DZIP1: variants seen among roughly 807,000 people sequenced by gnomAD.
DZIP1 encodes the protein DAZ interacting zinc finger protein 1.
Under a neutral mutation model 107.6 loss-of-function variants are expected in DZIP1, and 97 were observed. The observed-to-expected ratio is 0.90, with a 90% CI of 0.77 to 1.07. DZIP1 has a LOEUF of 1.07. Among genes scored for constraint, DZIP1 ranks in the 50% least tolerant of loss-of-function variants. DZIP1 has a pLI of 0.00. For synonymous variants in DZIP1, 390 were observed against 386.4 expected (o/e 1.01, Z -0.11); for missense variants, 1,035 against 1,063.6 (o/e 0.97, Z 0.37).
intron 10 of DZIP1, among the ~76,000 whole-genome samples, chr13:95,618,930 C>T (rs1184344832): frequency 1.3e-5 from 2 of 152,182 alleles, no homozygotes; most frequent in Admixed American, 6.5e-5. Context: ...AGATGTTTTG[C>T]ACTAGTGTAA....
chr13:95,606,602 T>G (rs970803230), intron 13 of DZIP1, among the ~76,000 whole-genome samples: 4 of 152,268 alleles, frequency 2.6e-5, no homozygotes, highest in African/African-American at 9.6e-5. Context: ...AATAACATTC[T>G]GTGTTATAAA....
At chr13:95,589,117 T>G (rs2044241674) in intron 19 of DZIP1, 37 bp downstream of exon 19, 5 of 1,556,512 alleles carry the variant, frequency 3.2e-6, no homozygotes, top group South Asian at 1.2e-5. Context: ...GTGAAAATAA[T>G]TTTTTAAATG....
chr13:95,607,767 C>A (rs190780346), intron 13 of DZIP1, among the ~76,000 whole-genome samples: 2 of 152,210 alleles, frequency 1.3e-5, no homozygotes, highest in East Asian at 3.9e-4. Context: ...AAATTGATCA[C>A]AATTTGGTCT....
At position 95,631,882 on chromosome 13, in the gene DZIP1, T is replaced by C. The variant is rs545041762; in HGVS notation, c.685+1352A>G. 7.9e-5 allele frequency among the ~76,000 whole-genome samples: 12 copies of C among 152,316 alleles called. No homozygotes were observed. In the South Asian group the frequency reaches 2.5e-3, roughly 32 times the overall value. ...GGAATCAGACTTTTGTCCCCATCTGTCTACTGAAGCTGCTGTGCCAAGGTC... is the reference window on the plus strand; with the variant it reads ...GGAATCAGACTTTTGTCCCCATCTGCCTACTGAAGCTGCTGTGCCAAGGTC... On this transcript the variant is annotated intron_variant, in intron 6 of 22. Coordinates refer to ENST00000376829, the MANE Select transcript of DZIP1 (RefSeq NM_198968.4).
At chr13:95,617,132 G>A (rs1875198073) in intron 10 of DZIP1, among the ~76,000 whole-genome samples, 1 of 151,996 alleles carries the variant, frequency 6.6e-6, no homozygotes, top group Non-Finnish European at 1.5e-5. Context: ...AACCCAGGAA[G>A]CGGAGGTTGC....
chr13:95,587,598 T>C lies in DZIP1; in HGVS notation c.2159A>G (p.Asp720Gly). 1 of 1,614,082 alleles carries C rather than the reference T, an allele frequency of 6.2e-7. No individual in the cohort carries two copies. Among genetic ancestry groups the C allele is most frequent in the Non-Finnish European group, 8.5e-7 (1 of 1,180,008 alleles). ...TTCGCTTCCCTCGGTCCCGTCCGCG[T>C]CACTTTTCACTGTGTTCTTCCCGAA... ...GSFGKNTVKS[D>G]ADGTEGSEIE... Residue 720 changes from aspartate (D) to glycine (G), a missense_variant, in exon 20 of 23, where the codon GAC (aspartate) becomes GGC (glycine). By Grantham distance (94) the Asp-to-Gly change is moderately conservative. Coordinates refer to ENST00000376829, the MANE Select transcript of DZIP1 (RefSeq NM_198968.4).
intron 9 of DZIP1, 152 bp from the exon 10 acceptor site, chr13:95,620,099 C>A: frequency 1.4e-6 from 1 of 727,612 alleles, no homozygotes; most frequent in South Asian, 2.0e-5. Flanking sequence ...GGTCCCCACT[C>A]AAATCTCATG....
At chr13:95,590,045 T>C in intron 17 of DZIP1, 113 bp from the exon 18 acceptor site, 1 of 1,370,264 alleles carries the variant, frequency 7.3e-7, no homozygotes, top group Admixed American at 2.7e-5. Context: ...CAATCCCATC[T>C]CTAGGGTTTA....
intron 10 of DZIP1, among the ~76,000 whole-genome samples, chr13:95,612,853 G>A (rs1192628163): frequency 3.9e-5 from 6 of 152,036 alleles, no homozygotes; most frequent in African/African-American, 1.5e-4. Flanking sequence ...TCAAAGTGTT[G>A]GGATTACAGG....
rs149392272 is a variant in DZIP1 at position 95,640,680 on chromosome 13, A to G, written c.597+615T>C. Among the ~76,000 whole-genome samples the G allele has an allele frequency of 6.6e-5, 10 of 152,376 alleles. No homozygotes were observed. In the East Asian group the frequency reaches 1.9e-3, roughly 29 times the overall value. ...TAAGACCAGAAGATAAAAATATTTT[A>G]TTCTTTAAATACTGTTATGTAAGTG... is the stretch of plus-strand genomic sequence containing the variant. On this transcript the variant is annotated intron_variant, in intron 5 of 22. Coordinates refer to ENST00000376829, the MANE Select transcript of DZIP1 (RefSeq NM_198968.4).
chr13:95,605,978 C>T lies in DZIP1; in HGVS notation c.1477+25G>A, dbSNP rs148228467. The T allele has an allele frequency of 1.6e-4, 253 of 1,612,756 alleles. No homozygotes were observed. The African/African-American group carries it at 2.8e-3, about 18-fold the overall frequency. Reference sequence around the variant, plus strand: ...CTCAGGGTGGCAACTGCACATAAAACGCTGAGACTATTACTGAAACTTACC... The same window carrying T: ...CTCAGGGTGGCAACTGCACATAAAATGCTGAGACTATTACTGAAACTTACC... On this transcript the variant is annotated intron_variant, in intron 14 of 22. Coordinates refer to ENST00000376829, the MANE Select transcript of DZIP1 (RefSeq NM_198968.4).
chr13:95,626,986 C>T (rs935324260), intron 7 of DZIP1, among the ~76,000 whole-genome samples: 1 of 152,306 alleles, frequency 6.6e-6, no homozygotes, highest in South Asian at 2.1e-4. Flanking sequence ...CAATAACCTT[C>T]TTTGCAGAAA....
chr13:95,587,861 G>T, intron 19 of DZIP1, 132 bp from the exon 20 acceptor site: 2 of 1,161,210 alleles, frequency 1.7e-6, no homozygotes, highest in Non-Finnish European at 2.4e-6. Flanking sequence ...TGCCTTTGGG[G>T]CTATGGCCAA....
chr13:95,635,824 C>A (rs1877730262), intron 5 of DZIP1, among the ~76,000 whole-genome samples: 1 of 152,108 alleles, frequency 6.6e-6, no homozygotes. Flanking sequence ...TAGAATGCTT[C>A]AGCAGGGCTG....
In DZIP1 at chr13:95,641,228, C is replaced by A; in HGVS notation, c.597+67G>T. ...AAGAAGAAAGAGTGGTGATACGGGACAGGCCTATCAAATGGGAACTGAGTT... is the reference window on the plus strand; with the variant it reads ...AAGAAGAAAGAGTGGTGATACGGGAAAGGCCTATCAAATGGGAACTGAGTT... On this transcript the variant is annotated intron_variant, in intron 5 of 22. Coordinates refer to ENST00000376829, the MANE Select transcript of DZIP1 (RefSeq NM_198968.4). This position sits in a 1 kb window ranked among gnomAD's most constrained non-coding sequence, Gnocchi z 4.3. 5.6e-5 allele frequency: 85 copies of A among 1,512,412 alleles called. No individual in the cohort carries two copies. Among genetic ancestry groups the A allele is most frequent in the Non-Finnish European group, 7.5e-5 (84 of 1,126,974 alleles). 93.7% of individuals were successfully genotyped at this position (1,512,412 alleles called of 1,614,324 possible).
intron 5 of DZIP1, among the ~76,000 whole-genome samples, chr13:95,638,826 G>A (rs1406423356): frequency 6.6e-6 from 1 of 152,174 alleles, no homozygotes; most frequent in African/African-American, 2.4e-5. Context: ...AAGAGAAGTG[G>A]TATGAGAATG....
chr13:95,634,878 C>A (rs928260420), intron 5 of DZIP1, among the ~76,000 whole-genome samples: 3 of 152,036 alleles, frequency 2.0e-5, no homozygotes, highest in African/African-American at 7.2e-5. Flanking sequence ...TTAGAAAAAA[C>A]ATTCGGTTTG....
In DZIP1 at chr13:95,584,593, C is replaced by A. The variant is rs187906336; in HGVS notation, c.2524+143G>T. 6 of 1,418,592 alleles carry A rather than the reference C, an allele frequency of 4.2e-6. No individual in the cohort carries two copies. The African/African-American group carries it at 7.2e-5, about 17-fold the overall frequency. 87.9% of individuals were successfully genotyped at this position (1,418,592 alleles called of 1,614,324 possible). ...AATCAGTGAGTTATGCATATCCAAT[C>A]CTTATTTAAATAACATAAAGAAAGC... On this transcript the variant is annotated intron_variant, in intron 22 of 22. Transcript: ENST00000376829.
intron 9 of DZIP1, among the ~76,000 whole-genome samples, 189 bp downstream of exon 9, chr13:95,622,154 T>A (rs1332980119): frequency 6.6e-6 from 1 of 152,190 alleles, no homozygotes; most frequent in Non-Finnish European, 1.5e-5. Flanking sequence ...GTGTATGCTA[T>A]TTGCCAACAG....
Sources: gnomAD v4.1 joint callset for allele counts (sites outside exome capture counted in the v4.1 genomes callset) on GRCh38, gnomAD v4.1.1 for gene constraint, Gnocchi (gnomAD v3.1) non-coding constraint, MANE v1.5 for transcripts, NCBI Gene and HGNC (gene_info 2026-07-23, HGNC 2026-07-21) for gene names.